Variants in LINGO2 observed in about 807,000 individuals in gnomAD.
LINGO2 encodes leucine-rich repeat and immunoglobulin-like domain-containing nogo receptor-interacting protein 2.
Under a neutral mutation model 30.6 loss-of-function variants are expected in LINGO2, and 14 were observed. The ratio of observed to expected loss-of-function variants is 0.46; its 90% CI spans 0.30 to 0.72. LINGO2 has a LOEUF of 0.72. LINGO2 is among the 30% of genes least tolerant of loss of function. The probability of loss-of-function intolerance (pLI) is 0.07; values close to 1 mark genes in which losing one functional copy is unlikely to be tolerated. For missense variants in LINGO2, 729 were observed against 751.7 expected (o/e 0.97, Z 0.35); for synonymous variants, 317 against 288.5 (o/e 1.10, Z -1.00).
intron 1 of LINGO2, among the ~76,000 whole-genome samples, chr9:28,490,540 A>G (rs1826355229): frequency 6.6e-6 from 1 of 152,204 alleles, no homozygotes; most frequent in African/African-American, 2.4e-5. Context: ...AGCCAGAACT[A>G]GAAGCCACTG....
chr9:29,185,546 AG>A, the LINGO2 span, among the ~76,000 whole-genome samples: 1 of 152,356 alleles, frequency 6.6e-6, no homozygotes, highest in East Asian at 1.9e-4. Context: ...AATATCACAC[AG>A]CTAACCTTCA....
the LINGO2 span, among the ~76,000 whole-genome samples, chr9:28,758,089 A>G: frequency 6.6e-6 from 1 of 152,038 alleles, no homozygotes. Context: ...CCTGAGCTGA[A>G]GCAGAAGGAA....
chr9:29,108,684 T>C, the LINGO2 span, among the ~76,000 whole-genome samples: 2 of 152,184 alleles, frequency 1.3e-5, no homozygotes, highest in African/African-American at 2.4e-5. Flanking sequence ...TATGCATAGA[T>C]GCAAAGGGAA....
chr9:28,790,720 A>T, the LINGO2 span, among the ~76,000 whole-genome samples: 1 of 152,208 alleles, frequency 6.6e-6, no homozygotes, highest in South Asian at 2.1e-4. Flanking sequence ...GACAGATTAC[A>T]TTTACATAAC....
At chr9:29,086,871 T>C in the LINGO2 span, among the ~76,000 whole-genome samples, 3 of 151,828 alleles carry the variant, frequency 2.0e-5, no homozygotes, top group East Asian at 1.9e-4. Flanking sequence ...AAGCTGTTAG[T>C]TGAATAATTA....
At chr9:28,108,326 G>C (rs182074607) in intron 4 of LINGO2, among the ~76,000 whole-genome samples, 2 of 152,220 alleles carry the variant, frequency 1.3e-5, no homozygotes, top group African/African-American at 4.8e-5. Flanking sequence ...AATTACCTTT[G>C]AAGAGTCTTC....
At chr9:28,851,682 T>C in the LINGO2 span, among the ~76,000 whole-genome samples, 1 of 151,958 alleles carries the variant, frequency 6.6e-6, no homozygotes, top group Admixed American at 6.6e-5. Flanking sequence ...TAGCCATTAT[T>C]TAATATAACT....
intron 1 of LINGO2, among the ~76,000 whole-genome samples, chr9:28,615,815 T>G (rs10968677): frequency 0.089 from 13,541 of 152,174 alleles, 733 homozygotes; most frequent in Admixed American, 0.19. Context: ...TACAGCATTT[T>G]AATCAATGGC....
chr9:29,046,638 A>G, the LINGO2 span, among the ~76,000 whole-genome samples: 1 of 152,090 alleles, frequency 6.6e-6, no homozygotes, highest in Non-Finnish European at 1.5e-5. Flanking sequence ...AACTATAAAA[A>G]CCCTGAAGAC....
At chr9:28,262,452 C>G (rs1263364530) in intron 4 of LINGO2, among the ~76,000 whole-genome samples, 1 of 151,646 alleles carries the variant, frequency 6.6e-6, no homozygotes, top group Non-Finnish European at 1.5e-5. Flanking sequence ...AAGAAAGAAA[C>G]AAATGGACAA....
the LINGO2 span, among the ~76,000 whole-genome samples, chr9:28,989,247 A>C: frequency 3.3e-5 from 5 of 152,238 alleles, no homozygotes; most frequent in African/African-American, 1.2e-4. Context: ...TGTTGTTTAG[A>C]TGACTTCTAA....
At chr9:28,281,420 GAA>G (rs1188604584) in intron 4 of LINGO2, among the ~76,000 whole-genome samples, 5 of 151,580 alleles carry the variant, frequency 3.3e-5, no homozygotes, top group African/African-American at 4.8e-5. Context: ...CACTTCCATT[GAA>G]ATAAATTCAT....
the LINGO2 span, among the ~76,000 whole-genome samples, chr9:28,935,473 C>A: frequency 6.6e-6 from 1 of 151,914 alleles, no homozygotes; most frequent in African/African-American, 2.4e-5. Context: ...AAAGTTAAGG[C>A]AATGTAATGA....
At chr9:28,295,008 C>T (rs1333572517) in intron 4 of LINGO2, among the ~76,000 whole-genome samples, 200 bp downstream of exon 6, 1 of 152,112 alleles carries the variant, frequency 6.6e-6, no homozygotes, top group Non-Finnish European at 1.5e-5. Context: ...TAAAATAGCT[C>T]CTTTCTCCTC....
chr9:28,664,665 T>C (rs1440424955), intron 1 of LINGO2, among the ~76,000 whole-genome samples: 1 of 152,020 alleles, frequency 6.6e-6, no homozygotes, highest in Non-Finnish European at 1.5e-5. Flanking sequence ...AACCAAGGAA[T>C]CTCTCCAATG....
chr9:28,608,195 T>C (rs1162358898), intron 1 of LINGO2, among the ~76,000 whole-genome samples: 3 of 151,822 alleles, frequency 2.0e-5, no homozygotes, highest in Non-Finnish European at 1.5e-5. Flanking sequence ...ATTCTCATTC[T>C]ATGGATTGAT....
chr9:29,160,979 A>G, the LINGO2 span, among the ~76,000 whole-genome samples: 6,551 of 152,342 alleles, frequency 0.043, 207 homozygotes, highest in Admixed American at 0.08. Flanking sequence ...GGCTCAGTTC[A>G]GCATGGCTCG....
chr9:28,360,722 C>T (rs1015730943), intron 3 of LINGO2, among the ~76,000 whole-genome samples: 1 of 152,078 alleles, frequency 6.6e-6, no homozygotes, highest in African/African-American at 2.4e-5. Context: ...ATTCCTTTAA[C>T]CATATTCCTT....
intron 2 of LINGO2, among the ~76,000 whole-genome samples, chr9:28,448,971 T>C (rs964312244): frequency 4.0e-5 from 6 of 151,554 alleles, no homozygotes; most frequent in African/African-American, 1.5e-4. Flanking sequence ...AAGTATCACA[T>C]CAAGGAGCTA....
Sources: gnomAD v4.1 joint callset for allele counts (sites outside exome capture counted in the v4.1 genomes callset) on GRCh38, gnomAD v4.1.1 for gene constraint, MANE v1.5 for transcripts, NCBI Gene and HGNC (gene_info 2026-07-23, HGNC 2026-07-21) for gene names.